The following TMTC2 variants were observed in gnomAD, a reference collection of about 807,000 sequenced individuals.
TMTC2 encodes the protein protein O-mannosyl-transferase TMTC2.
A neutral mutation model predicts 82.4 loss-of-function variants in TMTC2; 43 were observed. The observed-to-expected ratio is 0.52, with a 90% CI of 0.41 to 0.67. The LOEUF is 0.67. TMTC2 is among the 30% of genes least tolerant of loss of function. TMTC2 has a pLI of 0.00. For missense variants in TMTC2, 919 were observed against 1,012.4 expected, an observed-to-expected ratio of 0.91 and a Z score of 1.25; for synonymous variants, 408 against 381.9, an observed-to-expected ratio of 1.07 and a Z score of -0.80.
intron 1 of TMTC2, among the ~76,000 whole-genome samples, chr12:82,695,276 CT>C (rs1406855235): frequency 6.6e-6 from 1 of 152,162 alleles, no homozygotes; most frequent in African/African-American, 2.4e-5. Context: ...GTGAATAATG[CT>C]CATAAAATTT....
chr12:82,864,726 C>A (rs1871744775), intron 2 of TMTC2, among the ~76,000 whole-genome samples: 2 of 151,498 alleles, frequency 1.3e-5, no homozygotes, highest in Non-Finnish European at 2.9e-5. Flanking sequence ...TGGTCTTGAT[C>A]TCTTGACCTT....
At chr12:82,916,979 C>T (rs1347111151) in intron 3 of TMTC2, among the ~76,000 whole-genome samples, 2 of 152,132 alleles carry the variant, frequency 1.3e-5, no homozygotes, top group Non-Finnish European at 2.9e-5. Context: ...TATTTACCTA[C>T]TTACTATTAT....
intron 1 of TMTC2, among the ~76,000 whole-genome samples, chr12:82,769,746 G>A (rs1034398397): frequency 4.6e-5 from 7 of 152,022 alleles, no homozygotes; most frequent in African/African-American, 1.7e-4. Context: ...GTGTAGCTGG[G>A]ATTACAGTTG....
At chr12:82,745,738 T>C (rs998652613) in intron 1 of TMTC2, among the ~76,000 whole-genome samples, 3 of 152,190 alleles carry the variant, frequency 2.0e-5, no homozygotes, top group Non-Finnish European at 4.4e-5. Context: ...AAAAATACCA[T>C]TGTGCTTTTA....
At chr12:83,037,703 T>C in intron 9 of TMTC2, among the ~76,000 whole-genome samples, 1 of 152,162 alleles carries the variant, frequency 6.6e-6, no homozygotes, top group East Asian at 1.9e-4. Flanking sequence ...CTTCATACCT[T>C]CGTGTATTTT....
At chr12:83,124,898 T>C (rs1381122872) in intron 11 of TMTC2, among the ~76,000 whole-genome samples, 1 of 152,124 alleles carries the variant, frequency 6.6e-6, no homozygotes, top group East Asian at 1.9e-4. Flanking sequence ...AGGAGGCTGA[T>C]GGAGGTTAAG....
At chr12:82,865,000 A>G (rs569299547) in intron 2 of TMTC2, among the ~76,000 whole-genome samples, 1,599 of 148,904 alleles carry the variant, frequency 0.011, 16 homozygotes, top group South Asian at 0.017. Context: ...AGATCACGAG[A>G]TCAGGAGTTT....
intron 1 of TMTC2, among the ~76,000 whole-genome samples, chr12:82,798,807 CAA>C (rs544522111): frequency 1.1e-4 from 10 of 88,348 alleles, no homozygotes; most frequent in Non-Finnish European, 1.6e-4. Context: ...AACTCCGTCT[CAA>C]AAAAAAAAAA....
chr12:83,033,427 C>T (rs1881521109), intron 9 of TMTC2, among the ~76,000 whole-genome samples: 1 of 152,140 alleles, frequency 6.6e-6, no homozygotes, highest in Admixed American at 6.6e-5. Flanking sequence ...GTTCTGGATT[C>T]CTTGATTACT....
chr12:82,722,491 C>T (rs953280470), intron 1 of TMTC2, among the ~76,000 whole-genome samples: 12 of 126,584 alleles, frequency 9.5e-5, no homozygotes, highest in East Asian at 5.1e-4. Flanking sequence ...GGCGTGAACC[C>T]GGGAGGCAGA....
At chr12:82,905,021 C>T (rs1226774736) in intron 3 of TMTC2, among the ~76,000 whole-genome samples, 1 of 149,870 alleles carries the variant, frequency 6.7e-6, no homozygotes, top group East Asian at 1.9e-4. Context: ...CTTTATTTTC[C>T]CTTCCCTACA....
intron 1 of TMTC2, among the ~76,000 whole-genome samples, chr12:82,695,716 T>C (rs1204688208): frequency 6.6e-6 from 1 of 152,150 alleles, no homozygotes; most frequent in East Asian, 1.9e-4. Flanking sequence ...TCCCTGCAAA[T>C]TGTGTCCTCT....
At chr12:83,011,087 G>A (rs1016347857) in intron 8 of TMTC2, among the ~76,000 whole-genome samples, 8 of 152,280 alleles carry the variant, frequency 5.3e-5, no homozygotes, top group East Asian at 3.9e-4. Flanking sequence ...CACCCACGTC[G>A]GCATCCCAAA....
chr12:83,097,878 G>A (rs953941313), intron 11 of TMTC2, among the ~76,000 whole-genome samples: 1 of 152,190 alleles, frequency 6.6e-6, no homozygotes. Flanking sequence ...GAATGCCAGT[G>A]TTGGAAGTAG....
intron 1 of TMTC2, among the ~76,000 whole-genome samples, chr12:82,731,469 G>C (rs1874806243): frequency 6.6e-6 from 1 of 152,200 alleles, no homozygotes; most frequent in Non-Finnish European, 1.5e-5. Flanking sequence ...TTTATGAGAA[G>C]TATTTAGTAG....
intron 1 of TMTC2, among the ~76,000 whole-genome samples, chr12:82,755,954 G>T (rs1223382681): frequency 1.3e-5 from 2 of 152,120 alleles, no homozygotes; most frequent in African/African-American, 2.4e-5. Flanking sequence ...TGATATTTGT[G>T]CTCAAAGGTG....
At chr12:83,004,163 T>C (rs377622467) in intron 8 of TMTC2, among the ~76,000 whole-genome samples, 4 of 152,210 alleles carry the variant, frequency 2.6e-5, no homozygotes, top group African/African-American at 9.6e-5. Flanking sequence ...GTTGTGTTGT[T>C]AATGCCTCCA....
chr12:82,971,460 T>C (rs565392765), intron 7 of TMTC2, among the ~76,000 whole-genome samples: 1 of 152,262 alleles, frequency 6.6e-6, no homozygotes, highest in Non-Finnish European at 1.5e-5. Context: ...TTTCTTTTTT[T>C]ATAATTGTTT....
chr12:82,937,588 G>C (rs1876383704), intron 4 of TMTC2, among the ~76,000 whole-genome samples: 1 of 151,926 alleles, frequency 6.6e-6, no homozygotes, highest in Non-Finnish European at 1.5e-5. Context: ...CTCCCTGTTA[G>C]TAGCTTCAGT....
Sources: gnomAD v4.1 joint callset for allele counts (sites outside exome capture counted in the v4.1 genomes callset) on GRCh38, gnomAD v4.1.1 for gene constraint, MANE v1.5 for transcripts, NCBI Gene and HGNC (gene_info 2026-07-23, HGNC 2026-07-21) for gene names.